The following AGBL4 variants were observed in gnomAD, a reference collection of about 807,000 sequenced individuals.
AGBL4 encodes the protein cytosolic carboxypeptidase 6.
AGBL4 carries 58 observed loss-of-function variants against 66.4 expected under a neutral mutation model. That is an observed-to-expected ratio of 0.87 (90% confidence interval 0.71 to 1.09). The LOEUF (loss-of-function observed/expected upper bound fraction) is 1.09, where lower values mean the gene tolerates loss of function less well. AGBL4 is among the 50% of genes least tolerant of loss of function. The pLI, the probability that AGBL4 is intolerant of heterozygous loss-of-function variation, is 0.00. For missense variants in AGBL4, 579 were observed against 631.0 expected (o/e 0.92, Z 0.88); for synonymous variants, 234 against 222.9 (o/e 1.05, Z -0.44).
chr1:48,730,675 AG>A (rs964462489), intron 6 of AGBL4, among the ~76,000 whole-genome samples: 1 of 152,194 alleles, frequency 6.6e-6, no homozygotes, highest in African/African-American at 2.4e-5. Flanking sequence ...AAAGCTTCTC[AG>A]GTTGATTAAA....
chr1:49,795,576 A>G (rs1436670498), intron 2 of AGBL4, among the ~76,000 whole-genome samples: 1 of 151,912 alleles, frequency 6.6e-6, no homozygotes, highest in Non-Finnish European at 1.5e-5. Flanking sequence ...TAAGCACCCA[A>G]GATGATTCTA....
intron 3 of AGBL4, among the ~76,000 whole-genome samples, chr1:49,694,056 C>T (rs914414780): frequency 4.6e-5 from 7 of 152,082 alleles, no homozygotes; most frequent in Non-Finnish European, 1.0e-4. Flanking sequence ...AAATACAACG[C>T]AAAAGCTAGA....
intron 5 of AGBL4, among the ~76,000 whole-genome samples, chr1:48,994,713 T>A (rs1468205611): frequency 1.3e-5 from 2 of 152,214 alleles, no homozygotes; most frequent in Admixed American, 6.5e-5. Context: ...TTGAAATACT[T>A]TTTATGAACT....
At chr1:49,955,143 C>T (rs1161175819) in intron 1 of AGBL4, among the ~76,000 whole-genome samples, 1 of 151,916 alleles carries the variant, frequency 6.6e-6, no homozygotes, top group Non-Finnish European at 1.5e-5. Context: ...AATGGATCAA[C>T]TCCTGAATTA....
intron 6 of AGBL4, among the ~76,000 whole-genome samples, chr1:48,850,838 G>A (rs958202993): frequency 2.6e-5 from 4 of 152,196 alleles, no homozygotes; most frequent in African/African-American, 9.7e-5. Flanking sequence ...TCCGTGATTA[G>A]GAAGGCAGCT....
At chr1:48,569,412 C>T (rs1557793553) in intron 11 of AGBL4, among the ~76,000 whole-genome samples, 1 of 152,136 alleles carries the variant, frequency 6.6e-6, no homozygotes, top group African/African-American at 2.4e-5. Context: ...AGTGAAAACC[C>T]AGAGCGGGAA....
intron 2 of AGBL4, among the ~76,000 whole-genome samples, chr1:49,729,996 T>C (rs191937390): frequency 1.1e-4 from 16 of 152,224 alleles, no homozygotes; most frequent in African/African-American, 3.6e-4. Context: ...TCTTTCCTCA[T>C]TGGTTCTTTC....
chr1:49,929,451 A>G (rs529139653), intron 1 of AGBL4, among the ~76,000 whole-genome samples: 1 of 152,318 alleles, frequency 6.6e-6, no homozygotes, highest in African/African-American at 2.4e-5. Flanking sequence ...AAGTAGTGAA[A>G]GAAAAAAATA....
At position 49,549,481 on chromosome 1, in the gene AGBL4, A is replaced by C. The variant is rs537740031; in HGVS notation, c.282+147832T>G. 5.9e-5 allele frequency among the ~76,000 whole-genome samples: 9 copies of C among 152,126 alleles called. No individual in the cohort carries two copies. In the East Asian group the frequency reaches 7.7e-4, roughly 13 times the overall value. On this transcript the variant is annotated intron_variant, in intron 3 of 13. Coordinates refer to ENST00000371839, the MANE Select transcript of AGBL4 (RefSeq NM_032785.4). ...CCCAGAGGTTTTGATAGGTTGTGTC[A>C]TTATTGCAATTCAGTTTGAAGAATT...
At chr1:49,120,240 C>A (rs1308512142) in intron 4 of AGBL4, among the ~76,000 whole-genome samples, 3 of 151,906 alleles carry the variant, frequency 2.0e-5, no homozygotes, top group Non-Finnish European at 2.9e-5. Context: ...GTTATTTTGC[C>A]CGTTAATTGA....
intron 5 of AGBL4, among the ~76,000 whole-genome samples, chr1:48,964,960 G>A (rs1658301035): frequency 6.6e-6 from 1 of 152,150 alleles, no homozygotes; most frequent in Admixed American, 6.6e-5. Context: ...AACCCAAGTT[G>A]TTGCCTCAAA....
chr1:49,022,310 A>G (rs576446658), intron 5 of AGBL4, among the ~76,000 whole-genome samples: 5 of 152,136 alleles, frequency 3.3e-5, no homozygotes, highest in African/African-American at 4.8e-5. Flanking sequence ...CCAAGATGCT[A>G]TCAAGAAAAA....
At chr1:49,197,638 C>T (rs1188984673) in intron 4 of AGBL4, among the ~76,000 whole-genome samples, 1 of 152,178 alleles carries the variant, frequency 6.6e-6, no homozygotes, top group Non-Finnish European at 1.5e-5. Context: ...TGCAGTGGGG[C>T]TCAATCACCT....
chr1:48,820,439 A>G (rs1395904668), intron 6 of AGBL4, among the ~76,000 whole-genome samples: 1 of 152,178 alleles, frequency 6.6e-6, no homozygotes, highest in Admixed American at 6.5e-5. Context: ...TAACACTTAA[A>G]TTGATAAATG....
chr1:49,113,773 T>C (rs919099091), intron 4 of AGBL4, among the ~76,000 whole-genome samples: 2 of 152,202 alleles, frequency 1.3e-5, no homozygotes, highest in Non-Finnish European at 2.9e-5. Context: ...CATCTGTATA[T>C]CTCCATCAGA....
chr1:49,107,692 TGTGAGAGAGAGAGA>T (rs1291430847), intron 4 of AGBL4, among the ~76,000 whole-genome samples: 10 of 117,764 alleles, frequency 8.5e-5, no homozygotes, highest in Admixed American at 2.7e-4. Flanking sequence ...TGTGTGTGTG[TGTGAGAGAGAGAGA>T]GAGAGAGAGA....
chr1:49,759,758 A>G (rs1433863567), intron 2 of AGBL4, among the ~76,000 whole-genome samples: 1 of 152,226 alleles, frequency 6.6e-6, no homozygotes, highest in East Asian at 1.9e-4. Context: ...TATCCAAACA[A>G]TGGACGATGA....
chr1:49,534,353 G>A (rs1022705510), intron 3 of AGBL4, among the ~76,000 whole-genome samples: 3 of 152,048 alleles, frequency 2.0e-5, no homozygotes, highest in Non-Finnish European at 2.9e-5. Context: ...CATTTATTCT[G>A]AGATAAAAGG....
chr1:48,582,809 T>C (rs1173106457), intron 11 of AGBL4, among the ~76,000 whole-genome samples: 1 of 152,166 alleles, frequency 6.6e-6, no homozygotes, highest in Non-Finnish European at 1.5e-5. Flanking sequence ...ACCATGTCCA[T>C]TTATTTATTT....
Sources: gnomAD v4.1 joint callset for allele counts (sites outside exome capture counted in the v4.1 genomes callset) on GRCh38, gnomAD v4.1.1 for gene constraint, MANE v1.5 for transcripts, NCBI Gene and HGNC (gene_info 2026-07-23, HGNC 2026-07-21) for gene names.